Variants in USP6 observed in about 807,000 individuals in gnomAD.
USP6 encodes the protein ubiquitin specific peptidase 6.
Under a neutral mutation model 175.7 loss-of-function variants are expected in USP6, and 128 were observed. The ratio of observed to expected loss-of-function variants is 0.73; its 90% CI spans 0.63 to 0.84. USP6 has a LOEUF of 0.84. Ranked by LOEUF, USP6 falls within the 40% of genes least tolerant of loss-of-function variation. The pLI is 0.00. For synonymous variants in USP6, 562 were observed against 630.6 expected (o/e 0.89, Z 1.63); for missense variants, 1,498 against 1,760.3 (o/e 0.85, Z 2.67).
chr17:5,160,437 A>C (rs1221109012), intron 31 of USP6, among the ~76,000 whole-genome samples: 3 of 152,170 alleles, frequency 2.0e-5, no homozygotes, highest in African/African-American at 7.2e-5. Flanking sequence ...AATTGTATAT[A>C]CATCTAAGAC....
At chr17:5,128,135 C>T (rs532291111) in intron 7 of USP6, among the ~76,000 whole-genome samples, 1 of 152,244 alleles carries the variant, frequency 6.6e-6, no homozygotes, top group Admixed American at 6.5e-5. Flanking sequence ...AGGTCAAAGC[C>T]CTCCCCTTGG....
chr17:5,131,147 C>T (rs1357234739), intron 11 of USP6, among the ~76,000 whole-genome samples: 2 of 152,150 alleles, frequency 1.3e-5, no homozygotes, highest in South Asian at 4.1e-4. Flanking sequence ...CCCTCACTGT[C>T]CCCATGGGGA....
At chr17:5,170,976 G>A in intron 36 of USP6, 61 bp downstream of exon 36, 2 of 1,562,390 alleles carry the variant, frequency 1.3e-6, no homozygotes, top group East Asian at 2.3e-5. Flanking sequence ...TTGTCTTCAT[G>A]TATTCATCAG....
At position 5,138,073 on chromosome 17, in the gene USP6, G is replaced by C. The variant is rs1318522829; in HGVS notation, c.926-48G>C. 1.9e-6 allele frequency: 3 copies of C among 1,613,296 alleles called. No individual in the cohort carries two copies. In the African/African-American group the frequency reaches 4.0e-5, roughly 22 times the overall value. ...GAAGTGGCCACAGGGTATGAGCTGT[G>C]ACCATTCCCAGGGAACTCTCCTGGC... On this transcript the variant is annotated intron_variant, in intron 20 of 37. Transcript: ENST00000574788.
chr17:5,134,324 C>A (rs978275398), intron 15 of USP6: 80 of 333,152 alleles, frequency 2.4e-4, no homozygotes, highest in African/African-American at 1.6e-3. Context: ...ATGGAGGGCC[C>A]ATGAGCCTCC....
chr17:5,157,270 C>G (rs1162308019), intron 31 of USP6, among the ~76,000 whole-genome samples: 1 of 149,596 alleles, frequency 6.7e-6, no homozygotes, highest in African/African-American at 2.5e-5. Context: ...ATTTTCAGTA[C>G]AGGCAGGGTT....
intron 7 of USP6, among the ~76,000 whole-genome samples, chr17:5,128,206 G>C (rs2072951009): frequency 6.6e-6 from 1 of 152,170 alleles, no homozygotes; most frequent in African/African-American, 2.4e-5. Context: ...TAGGCCCTGG[G>C]TGGGACAGCT....
intron 33 of USP6, among the ~76,000 whole-genome samples, chr17:5,167,357 A>G (rs1018399851): frequency 2.0e-5 from 3 of 152,216 alleles, no homozygotes; most frequent in African/African-American, 7.2e-5. Context: ...AATAAATTCA[A>G]TTCTTTTTGT....
In USP6 at chr17:5,171,660, A is replaced by G. The variant is rs953220009; in HGVS notation, c.4028A>G (p.Tyr1343Cys). 1 of 1,613,760 alleles carries G rather than the reference A, an allele frequency of 6.2e-7. No individual in the cohort carries two copies. The highest frequency in any genetic ancestry group is 8.5e-7 in the Non-Finnish European group (1 of 1,179,814). The change falls in exon 37 of 38, where the codon TAT becomes TGT. Residue 1343 changes from tyrosine to cysteine, a missense_variant. Tyr to Cys is a radical substitution (Grantham distance 194, BLOSUM62 -2). Around this residue, in one of 2 missense-constraint regions of USP6, gnomAD observed 1,217 missense variants for 1,500.8 expected, o/e 0.81. Transcript: ENST00000574788. ...AACCCAAACTGCAAGTGGTACTGTT[A>G]TAATGACAGCAGCTGTGAGGTAAAC... ...AKNPNCKWYC[Y>C]NDSSCEELHP...
rs1416197405 is a variant in USP6 at position 5,132,231 on chromosome 17, G to T, written c.156-165G>T. The T allele has an allele frequency of 6.3e-7, 1 of 1,580,304 alleles. No individual in the cohort carries two copies. The highest frequency in any genetic ancestry group is 2.3e-5 in the East Asian group (1 of 43,888). Reference sequence around the variant, plus strand: ...CTCCCAGGTCCTGCCCCTCCTGGGAGTCAGAGCCACAGGAAGGCCCTTGTC... The same window carrying T: ...CTCCCAGGTCCTGCCCCTCCTGGGATTCAGAGCCACAGGAAGGCCCTTGTC... On this transcript the variant is annotated intron_variant, in intron 11 of 37. Transcript: ENST00000574788. This position sits in a 1 kb window ranked among gnomAD's most constrained non-coding sequence, Gnocchi z 4.7.
intron 30 of USP6, among the ~76,000 whole-genome samples, chr17:5,149,214 C>A (rs1256841902): frequency 6.6e-6 from 1 of 151,426 alleles, no homozygotes; most frequent in Non-Finnish European, 1.5e-5. Flanking sequence ...AACAGCCTGG[C>A]CAACATGGTG....
chr17:5,168,115 C>T lies in USP6; in HGVS notation c.3220C>T (p.Pro1074Ser), dbSNP rs1242918048. 2.5e-6 allele frequency: 4 copies of T among 1,606,630 alleles called. No individual in the cohort carries two copies. In the African/African-American group the frequency reaches 5.3e-5, roughly 21 times the overall value. Residue 1074 changes from proline (P) to serine (S), a missense_variant, in exon 34 of 38, where the codon CCC becomes TCC. Physicochemically the swap from Pro to Ser is moderately conservative, Grantham distance 74. Transcript: ENST00000574788. ...GAAGCTGGATCTCTGGAGGCTTCCA[C>T]CCTTCCTGGTATGTTACGGTCCTGC... ...TKKLDLWRLP[P>S]FLIIHLKRFQ...
chr17:5,163,547 C>T (rs954917496), intron 33 of USP6, among the ~76,000 whole-genome samples: 23 of 152,180 alleles, frequency 1.5e-4, no homozygotes, highest in African/African-American at 5.3e-4. Context: ...CTACTAGGCC[C>T]CACCTCCTAA....
At chr17:5,133,632 C>G in intron 14 of USP6, 82 bp downstream of exon 14, 2 of 975,724 alleles carry the variant, frequency 2.0e-6, no homozygotes, top group South Asian at 2.6e-5. Flanking sequence ...TCAAGCCCAC[C>G]CTGGGGTGGG....
In USP6 at chr17:5,172,916, G is replaced by A. The variant is rs2074259099; in HGVS notation, c.4159G>A (p.Asp1387Asn). 6.2e-7 allele frequency: 1 copy of A among 1,613,868 alleles called. No individual in the cohort carries two copies. Among genetic ancestry groups the A allele is most frequent in the Non-Finnish European group, 8.5e-7 (1 of 1,179,882 alleles). ...LPKIDGKKMA[D>N]TSSTDEDSES... ...AAAGATTGATGGCAAAAAGATGGCA[G>A]ACACAAGCAGTACGGATGAAGACTC... Residue 1387 changes from aspartate (D) to asparagine (N), a missense_variant, in exon 38 of 38, where the codon GAC (aspartate) becomes AAC (asparagine). Asp to Asn is a conservative substitution (Grantham distance 23). Coordinates refer to ENST00000574788, the MANE Select transcript of USP6 (RefSeq NM_001304284.2).
At chr17:5,140,677 T>C (rs2073419979) in intron 22 of USP6, among the ~76,000 whole-genome samples, 1 of 152,240 alleles carries the variant, frequency 6.6e-6, no homozygotes, top group African/African-American at 2.4e-5. Context: ...CATTTTCGCC[T>C]AACTTCTCAT....
intron 14 of USP6, 85 bp downstream of exon 14, chr17:5,133,635 G>T: frequency 2.0e-6 from 2 of 1,007,524 alleles, no homozygotes; most frequent in Non-Finnish European, 3.1e-6. Context: ...AGCCCACCCT[G>T]GGGTGGGGGG....
intron 30 of USP6, 47 bp downstream of exon 30, chr17:5,148,814 T>C: frequency 6.3e-7 from 1 of 1,593,302 alleles, no homozygotes; most frequent in Non-Finnish European, 8.6e-7. Flanking sequence ...CTAGTGTCAT[T>C]TGTGAAATAG....
intron 18 of USP6, 69 bp from the exon 19 acceptor site, chr17:5,137,052 G>A (rs2073276132): frequency 6.6e-7 from 1 of 1,522,558 alleles, no homozygotes; most frequent in South Asian, 1.1e-5. Context: ...AAGGTCTTCA[G>A]AGGCCCTGGA....
Sources: allele counts gnomAD v4.1 joint callset (sites outside exome capture counted in the v4.1 genomes callset), GRCh38; gene constraint gnomAD v4.1.1; regional missense constraint gnomAD v4.1.1; non-coding constraint Gnocchi (gnomAD v3.1); transcripts MANE v1.5; gene names NCBI Gene and HGNC (gene_info 2026-07-23, HGNC 2026-07-21).